PUM3: variants seen among roughly 807,000 people sequenced by gnomAD.
PUM3 encodes pumilio RNA binding family member 3.
A neutral mutation model predicts 84.0 loss-of-function variants in PUM3; 91 were observed. The observed-to-expected ratio is 1.08, with a 90% CI of 0.91 to 1.29. The LOEUF (loss-of-function observed/expected upper bound fraction) is 1.29, where lower values mean the gene tolerates loss of function less well. PUM3 is among the 50% of genes most tolerant of loss of function. The pLI is 0.00. For synonymous variants in PUM3, 321 were observed against 266.7 expected (o/e 1.20, Z -1.98); for missense variants, 1,067 against 767.5 (o/e 1.39, Z -4.61).
At chr9:2,820,243 T>C in intron 12 of PUM3, 145 bp from the exon 13 acceptor site, 1 of 514,356 alleles carries the variant, frequency 1.9e-6, no homozygotes, top group Admixed American at 3.2e-5. Flanking sequence ...TGACAACTTG[T>C]CTAACATAAC....
At chr9:2,809,173 A>G (rs1821317246) in intron 16 of PUM3, among the ~76,000 whole-genome samples, 1 of 152,178 alleles carries the variant, frequency 6.6e-6, no homozygotes, top group Non-Finnish European at 1.5e-5. Flanking sequence ...TTTGAAAACT[A>G]CTAAGTTTTA....
chr9:2,841,377 G>C (rs755609607), intron 1 of PUM3, among the ~76,000 whole-genome samples: 5 of 152,122 alleles, frequency 3.3e-5, no homozygotes, highest in Non-Finnish European at 5.9e-5. Context: ...GAGGTCAGGA[G>C]TTCAAGACCA....
chr9:2,837,368 T>C lies in PUM3; in HGVS notation c.116A>G (p.Lys39Arg). ...TTTAGGTCCACCTTCTTTAGCAACTTTCCTTGTTGGAAATGTCTTTGAAGA... is the reference window on the plus strand; with the variant it reads ...TTTAGGTCCACCTTCTTTAGCAACTCTCCTTGTTGGAAATGTCTTTGAAGA... The part of the protein sequence containing the change: ...SGSSKTFPTR[K>R]VAKEGGPKVT... The change falls in exon 3 of 18, where the codon AAA (lysine) becomes AGA (arginine). Residue 39 changes from lysine to arginine, a missense_variant. Transcript: ENST00000397885. 1 of 1,613,464 alleles carries C rather than the reference T, an allele frequency of 6.2e-7. No individual in the cohort carries two copies. The highest frequency in any genetic ancestry group is 8.5e-7 in the Non-Finnish European group (1 of 1,179,576).
At chr9:2,828,606 AAC>A in intron 9 of PUM3, 67 bp downstream of exon 9, 3 of 908,626 alleles carry the variant, frequency 3.3e-6, no homozygotes, top group Non-Finnish European at 5.5e-6. Context: ...TCTTCTGGGC[AAC>A]AGTTATGGAA....
intron 2 of PUM3, 76 bp downstream of exon 2, chr9:2,838,350 C>A: frequency 1.1e-6 from 1 of 947,714 alleles, no homozygotes; most frequent in Non-Finnish European, 1.7e-6. Context: ...CCAATGAATA[C>A]AGATTGAAAT....
At chr9:2,815,164 G>A (rs1157599365) in intron 13 of PUM3, among the ~76,000 whole-genome samples, 1 of 152,060 alleles carries the variant, frequency 6.6e-6, no homozygotes, top group Non-Finnish European at 1.5e-5. Flanking sequence ...TTAAAAGAAT[G>A]CATGTTTATA....
At chr9:2,826,476 G>A (rs1386083882) in intron 10 of PUM3, among the ~76,000 whole-genome samples, 1 of 152,122 alleles carries the variant, frequency 6.6e-6, no homozygotes, top group Admixed American at 6.5e-5. Flanking sequence ...TGTTAAGTCA[G>A]TCTCATTATT....
At chr9:2,818,998 G>C (rs1399840407) in intron 13 of PUM3, among the ~76,000 whole-genome samples, 3 of 152,156 alleles carry the variant, frequency 2.0e-5, no homozygotes, top group African/African-American at 7.2e-5. Flanking sequence ...AGATGTGAAA[G>C]TACCACATGT....
chr9:2,823,922 G>C, intron 11 of PUM3, 88 bp from the exon 12 acceptor site: 1 of 645,932 alleles, frequency 1.5e-6, no homozygotes, highest in Non-Finnish European at 2.6e-6. Flanking sequence ...TATTTATTAA[G>C]TTTTCATTTG....
chr9:2,827,112 G>A lies in PUM3; in HGVS notation c.996C>T (p.Phe332=), dbSNP rs1815843285. Residue 332 remains phenylalanine, a synonymous_variant, in exon 10 of 18, where the codon TTC becomes TTT. Transcript: ENST00000397885. ...GGGGTGCATAGGTAAAAAAGTCCAA[G>A]AATACTTTATGCACCAATGAGTGCT... ...VIKHSLVHKV[F]LDFFTYAPPK... The A allele has an allele frequency of 6.2e-7, 1 of 1,608,824 alleles. No individual in the cohort carries two copies. The highest frequency in any genetic ancestry group is 8.5e-7 in the Non-Finnish European group (1 of 1,178,256).
At position 2,829,908 on chromosome 9, in the gene PUM3, C is replaced by T. The variant is rs769363799; in HGVS notation, c.718G>A (p.Gly240Ser). Residue 240 changes from glycine to serine, a missense_variant, in exon 8 of 18, where the codon GGC becomes AGC. Transcript: ENST00000397885. The stretch of plus-strand genomic sequence containing the variant: ...TGCCGCAGCATCTTCCTCACGTGGC[C>T]TTTAAAACTTCTGATTATCTCTGCA... ...QIAEIIRSFK[G>S]HVRKMLRHAE... 70 of 1,613,596 alleles carry T rather than the reference C, an allele frequency of 4.3e-5. 1 individual carries two copies. The Admixed American group carries it at 1.2e-3, about 27-fold the overall frequency.
chr9:2,828,111 C>T lies in PUM3; in HGVS notation c.956+564G>A, dbSNP rs553527504. On this transcript the variant is annotated intron_variant, in intron 9 of 17. Transcript: ENST00000397885. ...CTGGAATGCAGTGGCACAACCATGG[C>T]TCACTGCAGCCATGACCTCCTGGGC... is the stretch of plus-strand genomic sequence containing the variant. Among the ~76,000 whole-genome samples the T allele has an allele frequency of 3.9e-5, 6 of 152,312 alleles. No individual in the cohort carries two copies. In the South Asian group the frequency reaches 1.2e-3, roughly 32 times the overall value.
intron 13 of PUM3, among the ~76,000 whole-genome samples, chr9:2,812,906 G>T (rs1337631836): frequency 6.6e-6 from 1 of 152,220 alleles, no homozygotes; most frequent in Non-Finnish European, 1.5e-5. Context: ...GCATTTAAAT[G>T]TAGCACCGGC....
At chr9:2,807,570 T>C (rs1380908282) in intron 17 of PUM3, among the ~76,000 whole-genome samples, 1 of 112,326 alleles carries the variant, frequency 8.9e-6, no homozygotes, top group African/African-American at 3.5e-5. Context: ...GACACTGCAC[T>C]CCAGCCTGGG....
intron 12 of PUM3, among the ~76,000 whole-genome samples, chr9:2,822,095 G>A (rs1163536189): frequency 6.6e-6 from 1 of 152,102 alleles, no homozygotes; most frequent in Non-Finnish European, 1.5e-5. Flanking sequence ...ATATTTCTAG[G>A]TGAATACAAC....
chr9:2,814,810 C>T (rs1191802551), intron 13 of PUM3, among the ~76,000 whole-genome samples: 1 of 151,764 alleles, frequency 6.6e-6, no homozygotes, highest in African/African-American at 2.4e-5. Context: ...AGAACAAAAC[C>T]AAAACAAAAC....
At chr9:2,818,247 G>A (rs1376255063) in intron 13 of PUM3, among the ~76,000 whole-genome samples, 6 of 152,334 alleles carry the variant, frequency 3.9e-5, no homozygotes, top group South Asian at 2.1e-4. Flanking sequence ...CCTGTTGAAC[G>A]TTTGTCAGTT....
chr9:2,815,371 C>T (rs891923728), intron 13 of PUM3, among the ~76,000 whole-genome samples: 1 of 152,034 alleles, frequency 6.6e-6, no homozygotes, highest in African/African-American at 2.4e-5. Context: ...ACTTGGGTTA[C>T]AGAGAAAATG....
At chr9:2,824,648 A>C in intron 11 of PUM3, 69 bp downstream of exon 11, 1 of 1,020,878 alleles carries the variant, frequency 9.8e-7, no homozygotes, top group Non-Finnish European at 1.3e-6. Flanking sequence ...AGGACAGCTA[A>C]GTCAAGCCTG....
Sources: allele counts gnomAD v4.1 joint callset (sites outside exome capture counted in the v4.1 genomes callset), GRCh38; gene constraint gnomAD v4.1.1; transcripts MANE v1.5; gene names NCBI Gene and HGNC (gene_info 2026-07-23, HGNC 2026-07-21).